Variants in ASPM observed in about 807,000 individuals in gnomAD.
The protein encoded by ASPM is abnormal spindle-like microcephaly-associated protein.
ASPM carries 256 observed loss-of-function variants against 366.4 expected under a neutral mutation model. The ratio of observed to expected loss-of-function variants is 0.70; its 90% CI spans 0.63 to 0.77. The LOEUF is 0.77. Among genes scored for constraint, ASPM ranks in the 30% least tolerant of loss-of-function variants. The pLI is 0.00. For synonymous variants in ASPM, 1,414 were observed against 1,342.9 expected (o/e 1.05, Z -1.16); for missense variants, 4,146 against 4,090.4 (o/e 1.01, Z -0.37).
chr1:197,088,034 T>C (rs1454470322), intron 26 of ASPM, among the ~76,000 whole-genome samples: 8 of 152,224 alleles, frequency 5.3e-5, no homozygotes, highest in Non-Finnish European at 8.8e-5. Context: ...TGGTTACTTA[T>C]ATGGCTGTAA....
chr1:197,136,794 C>T (rs1333893925), intron 4 of ASPM, among the ~76,000 whole-genome samples: 1 of 152,010 alleles, frequency 6.6e-6, no homozygotes, highest in East Asian at 1.9e-4. Context: ...CTCTATTTCA[C>T]ATAAAACTGG....
At position 197,102,296 on chromosome 1, in the gene ASPM, G is replaced by A; in HGVS notation, c.6955C>T (p.Gln2319Ter). 6.2e-7 allele frequency: 1 copy of A among 1,612,694 alleles called. No homozygotes were observed. The highest frequency in any genetic ancestry group is 8.5e-7 in the Non-Finnish European group (1 of 1,179,240). Residue 2319 changes from glutamine to a stop codon, truncating the protein, a stop_gained, in exon 18 of 28, where the codon CAG becomes TAG. Transcript: ENST00000367409. LOFTEE classifies it high-confidence loss of function. ...ATCATCCATCTTCTGTATGATGACTGGATTTTAATAACTGCATTTTGTACC... is the reference window on the plus strand; with the variant it reads ...ATCATCCATCTTCTGTATGATGACTAGATTTTAATAACTGCATTTTGTACC... ...LQVQNAVIKI[Q>*]SSYRRWMIRK...
intron 27 of ASPM, among the ~76,000 whole-genome samples, 187 bp from the exon 28 acceptor site, chr1:197,084,613 T>A (rs977914102): frequency 2.0e-5 from 3 of 152,160 alleles, no homozygotes; most frequent in Non-Finnish European, 4.4e-5. Flanking sequence ...CTCTCCATCC[T>A]TTCTAAAAAA....
Position 197,090,022 on chromosome 1 carries a change from T to C in ASPM, c.9892A>G (p.Lys3298Glu). The C allele has an allele frequency of 6.2e-7, 1 of 1,613,392 alleles. No homozygotes were observed. The highest frequency in any genetic ancestry group is 1.1e-5 in the South Asian group (1 of 91,064). The change falls in exon 25 of 28, where the codon AAA becomes GAA. Residue 3298 changes from lysine (K) to glutamate (E), a missense_variant. Transcript: ENST00000367409. ...CAACTTCGGATCAAAACAAATATTT[T>C]AGAAATTGCTCCACTCTGGGCCATG... ...ENMAQSGAIS[K>E]IFVLIRSCNR...
chr1:197,088,463 G>T, intron 25 of ASPM, 31 bp from the exon 26 acceptor site: 1 of 1,552,328 alleles, frequency 6.4e-7, no homozygotes, highest in Non-Finnish European at 8.8e-7. Context: ...ATTAAAAGTT[G>T]TAATAAACAC....
At chr1:197,110,675 C>T (rs1014105250) in intron 17 of ASPM, among the ~76,000 whole-genome samples, 3 of 151,612 alleles carry the variant, frequency 2.0e-5, no homozygotes, top group East Asian at 3.9e-4. Context: ...TGCTACAGTG[C>T]GAGGCTCAAA....
Position 197,090,894 on chromosome 1 carries a change from G to C in ASPM, c.9592C>G (p.Arg3198Gly). Residue 3198 changes from arginine (R) to glycine (G), a missense_variant, in exon 23 of 28, where the codon CGT (arginine) becomes GGT (glycine). This residue lies in a region of ASPM where 3,624 missense variants were observed against 3,591.7 expected (regional missense o/e 1.01). Coordinates refer to ENST00000367409, the MANE Select transcript of ASPM (RefSeq NM_018136.5). ...CTAGTGAATTTTTCCTGCTTTTTAC[G>C]GAGGAGAAAATGGCGCACTGCTTTC... ...IQKAVRHFLL[R>G]KKQEKFTSGI... 6.2e-7 allele frequency: 1 copy of C among 1,613,102 alleles called. No homozygotes were observed. The highest frequency in any genetic ancestry group is 8.5e-7 in the Non-Finnish European group (1 of 1,179,468).
At chr1:197,100,404 T>C in intron 18 of ASPM, 27 bp downstream of exon 18, 6 of 1,353,684 alleles carry the variant, frequency 4.4e-6, no homozygotes, top group Non-Finnish European at 5.0e-6. Flanking sequence ...ACTCACAGTT[T>C]TATATTTAAA....
At chr1:197,099,930 T>C (rs1040679383) in intron 18 of ASPM, among the ~76,000 whole-genome samples, 14 of 151,596 alleles carry the variant, frequency 9.2e-5, no homozygotes, top group Admixed American at 4.0e-4. Context: ...CCTCACACAT[T>C]TGGCAAATAG....
chr1:197,087,598 T>C (rs1571586396), intron 26 of ASPM, among the ~76,000 whole-genome samples: 1 of 152,156 alleles, frequency 6.6e-6, no homozygotes, highest in East Asian at 1.9e-4. Flanking sequence ...CTTGAAAAGT[T>C]TACCTCTGCA....
intron 21 of ASPM, 67 bp from the exon 22 acceptor site, chr1:197,092,123 T>C: frequency 6.7e-7 from 1 of 1,495,006 alleles, no homozygotes. Context: ...GTGTTTTTTT[T>C]TGTATAACCT....
In ASPM at chr1:197,102,648, T is replaced by C; in HGVS notation, c.6603A>G (p.Arg2201=). ...TAATLIQSNY[R]RYRQQTYFNK... ...TAAAGTATGTTTGCTGTCTGTATCTTCTGTAGTTTGACTGAATGAGTGTTG... is the reference window on the plus strand; with the variant it reads ...TAAAGTATGTTTGCTGTCTGTATCTCCTGTAGTTTGACTGAATGAGTGTTG... The change falls in exon 18 of 28, where the codon AGA becomes AGG. Residue 2201 remains arginine (R), a synonymous_variant. Coordinates refer to ENST00000367409, the MANE Select transcript of ASPM (RefSeq NM_018136.5). 6.2e-7 allele frequency: 1 copy of C among 1,612,764 alleles called. No homozygotes were observed. Among genetic ancestry groups the C allele is most frequent in the East Asian group, 2.2e-5 (1 of 44,806 alleles).
Position 197,101,102 on chromosome 1 carries a change from C to T in ASPM, c.8149G>A (p.Val2717Ile). 1.9e-6 allele frequency: 3 copies of T among 1,611,904 alleles called. No individual in the cohort carries two copies. Among genetic ancestry groups the T allele is most frequent in the East Asian group, 2.2e-5 (1 of 44,700 alleles). Residue 2717 changes from valine to isoleucine, a missense_variant, in exon 18 of 28, where the codon GTT becomes ATT. By Grantham distance (29) the Val-to-Ile change is conservative (BLOSUM62 3). Coordinates refer to ENST00000367409, the MANE Select transcript of ASPM (RefSeq NM_018136.5). ...TACAACCTATAATAATTCTGTATAA[C>T]CACAATTGCAGTTTTCTTTGTTTCA... is the stretch of plus-strand genomic sequence containing the variant. Reference protein sequence around the residue: ...DYETKKTAIVVIQNYYRLYVR... With the variant: ...DYETKKTAIVIIQNYYRLYVR...
chr1:197,102,895 G>A lies in ASPM; in HGVS notation c.6356C>T (p.Ala2119Val). 1 of 1,612,616 alleles carries A rather than the reference G, an allele frequency of 6.2e-7. No homozygotes were observed. The highest frequency in any genetic ancestry group is 8.5e-7 in the Non-Finnish European group (1 of 1,179,254). ...AAACATGGCTTTAATAAAAGTGGCT[G>A]CCCTGTGCATGTGTTGAATATGTCT... ...VRRHIQHMHR[A>V]ATFIKAMFKM... The change falls in exon 18 of 28, where the codon GCA becomes GTA. Residue 2119 changes from alanine (A) to valine (V), a missense_variant. By Grantham distance (64) the Ala-to-Val change is moderately conservative. Transcript: ENST00000367409.
intron 10 of ASPM, among the ~76,000 whole-genome samples, chr1:197,126,448 AAAAAAAAAAAAAAAAAAAAG>A (rs1658092942): frequency 6.9e-6 from 1 of 143,904 alleles, no homozygotes. Context: ...TCAAAAAAAA[AAAAAAAAAAAAAAAAAAAAG>A]GGAGGGGGAC....
chr1:197,104,318 C>G lies in ASPM; in HGVS notation c.4933G>C (p.Gly1645Arg). The G allele has an allele frequency of 1.2e-6, 2 of 1,613,026 alleles. No homozygotes were observed. Among genetic ancestry groups the G allele is most frequent in the South Asian group, 2.2e-5 (2 of 91,066 alleles). Reference protein sequence around the residue: ...AVIVLQSAYRGMQARKMYIHI... With the variant: ...AVIVLQSAYRRMQARKMYIHI... Reference sequence around the variant, plus strand: ...ATATACATTTTCCTGGCTTGCATCCCTCTATATGCAGACTGCAGCACAATG... The same window carrying G: ...ATATACATTTTCCTGGCTTGCATCCGTCTATATGCAGACTGCAGCACAATG... The change falls in exon 18 of 28, where the codon GGG (glycine) becomes CGG (arginine). Residue 1645 changes from glycine (G) to arginine (R), a missense_variant. Around this residue, in one of 3 missense-constraint regions of ASPM, gnomAD observed 3,624 missense variants for 3,591.7 expected, o/e 1.01. Coordinates refer to ENST00000367409, the MANE Select transcript of ASPM (RefSeq NM_018136.5).
At chr1:197,085,900 AT>A (rs1322544483) in intron 27 of ASPM, among the ~76,000 whole-genome samples, 1 of 152,158 alleles carries the variant, frequency 6.6e-6, no homozygotes, top group Non-Finnish European at 1.5e-5. Context: ...CTGTCAGTAA[AT>A]TTTACCTCAA....
intron 4 of ASPM, among the ~76,000 whole-genome samples, chr1:197,137,830 C>T (rs1436820165): frequency 6.6e-6 from 1 of 152,144 alleles, no homozygotes; most frequent in Non-Finnish European, 1.5e-5. Context: ...ATCTGTAAGA[C>T]ATAATATTAT....
rs555866170 is a variant in ASPM at position 197,142,555 on chromosome 1, G to C, written c.1697C>G (p.Ser566Trp). ...TTTCCGAGCAACTGAAGCTGTTGTC[G>C]AAGAGGGTGTTACCTCGTTTTTATA... The part of the protein sequence containing the change: ...KSYKNEVTPS[S>W]TTASVARKRK... Residue 566 changes from serine (S) to tryptophan (W), a missense_variant, in exon 3 of 28, where the codon TCG becomes TGG. By Grantham distance (177) the Ser-to-Trp change is radical. Transcript: ENST00000367409. 1.9e-6 allele frequency: 3 copies of C among 1,613,902 alleles called. No homozygotes were observed. Among genetic ancestry groups the C allele is most frequent in the Admixed American group, 3.3e-5 (2 of 60,012 alleles).
Sources: allele counts gnomAD v4.1 joint callset (sites outside exome capture counted in the v4.1 genomes callset), GRCh38; gene constraint gnomAD v4.1.1; regional missense constraint gnomAD v4.1.1; transcripts MANE v1.5; gene names NCBI Gene and HGNC (gene_info 2026-07-23, HGNC 2026-07-21).